Variants in NECAB1 observed in about 807,000 individuals in gnomAD.
NECAB1 encodes N-terminal EF-hand calcium binding protein 1.
In NECAB1, 29 loss-of-function variants were observed where a neutral mutation model predicts 57.5. The ratio of observed to expected loss-of-function variants is 0.50; its 90% CI spans 0.38 to 0.69. NECAB1 has a LOEUF of 0.69. NECAB1 is among the 30% of genes least tolerant of loss of function. NECAB1 has a pLI of 0.00. For missense variants in NECAB1, 372 were observed against 413.8 expected, an observed-to-expected ratio of 0.90 and a Z score of 0.88; for synonymous variants, 142 against 147.7, an observed-to-expected ratio of 0.96 and a Z score of 0.28.
intron 5 of NECAB1, among the ~76,000 whole-genome samples, chr8:90,883,975 T>C (rs1808909587): frequency 1.3e-5 from 2 of 152,182 alleles, no homozygotes; most frequent in South Asian, 2.1e-4. Flanking sequence ...TGCTATGTTA[T>C]ATAAACACAA....
chr8:90,859,566 A>C (rs572658647), intron 3 of NECAB1, among the ~76,000 whole-genome samples: 1 of 152,252 alleles, frequency 6.6e-6, no homozygotes, highest in African/African-American at 2.4e-5. Context: ...CTGTCTCACC[A>C]TCTGGATGCA....
chr8:90,941,118 C>T (rs1176074932), intron 10 of NECAB1, among the ~76,000 whole-genome samples: 1 of 152,186 alleles, frequency 6.6e-6, no homozygotes, highest in African/African-American at 2.4e-5. Context: ...CTTTAAACCC[C>T]GTGTCGTCTG....
intron 10 of NECAB1, among the ~76,000 whole-genome samples, chr8:90,947,544 G>C (rs935858732): frequency 1.3e-5 from 2 of 151,940 alleles, no homozygotes; most frequent in Non-Finnish European, 2.9e-5. Flanking sequence ...GAGATTACAG[G>C]CACATGCCAC....
In NECAB1 at chr8:90,909,012, AT is replaced by A. The variant is rs952120618; in HGVS notation, c.358-8479del. Among the ~76,000 whole-genome samples, 17 of 152,258 alleles carry A rather than the reference AT, an allele frequency of 1.1e-4. No individual in the cohort carries two copies. The Middle Eastern group carries it at 0.01, about 91-fold the overall frequency. Reference sequence around the variant, plus strand: ...CGTTACAGAGCCCAGAGAGGTGCTTATGCTCATGGTTTAGGCTTTACTGATT... The same window carrying A: ...CGTTACAGAGCCCAGAGAGGTGCTTAGCTCATGGTTTAGGCTTTACTGATT... On this transcript the variant is annotated intron_variant, in intron 5 of 12. Coordinates refer to ENST00000417640, the MANE Select transcript of NECAB1 (RefSeq NM_022351.5).
At position 90,823,271 on chromosome 8, in the gene NECAB1, C is replaced by A. The variant is rs1313449413; in HGVS notation, c.125-1446C>A. On this transcript the variant is annotated intron_variant, in intron 2 of 12. Coordinates refer to ENST00000417640, the MANE Select transcript of NECAB1 (RefSeq NM_022351.5). ...CTAAGGCTGTGTCTGCCCAGTTAAA[C>A]GTTAGCAAAAATTAACTGGAAAATT... is the stretch of plus-strand genomic sequence containing the variant. 2.0e-5 allele frequency among the ~76,000 whole-genome samples: 3 copies of A among 151,732 alleles called. No homozygotes were observed. In the East Asian group the frequency reaches 5.8e-4, roughly 29 times the overall value.
chr8:90,896,128 A>C (rs770524531), intron 5 of NECAB1, among the ~76,000 whole-genome samples: 2 of 152,186 alleles, frequency 1.3e-5, no homozygotes, highest in Non-Finnish European at 2.9e-5. Context: ...GCAGAGGTTC[A>C]TAAAAACGGC....
At chr8:90,875,448 T>C (rs1015112681) in intron 4 of NECAB1, among the ~76,000 whole-genome samples, 3 of 118,516 alleles carry the variant, frequency 2.5e-5, no homozygotes, top group Admixed American at 1.3e-4. Flanking sequence ...GCCACTGCAG[T>C]CCGCAGTCCG....
chr8:90,812,143 T>C (rs1811970444), intron 2 of NECAB1, among the ~76,000 whole-genome samples: 2 of 152,178 alleles, frequency 1.3e-5, no homozygotes, highest in South Asian at 4.1e-4. Flanking sequence ...AGAATGCAGG[T>C]ATAGAGGAGG....
At chr8:90,809,697 G>C (rs995817932) in intron 2 of NECAB1, among the ~76,000 whole-genome samples, 1 of 152,082 alleles carries the variant, frequency 6.6e-6, no homozygotes, top group African/African-American at 2.4e-5. Flanking sequence ...CATGTGAAAA[G>C]CTTGATTTTG....
rs769602424 is a variant in NECAB1, at chr8:90,957,760, A to G, written c.*2248A>G. The G allele has an allele frequency of 4.0e-5, 6 of 150,808 alleles. No homozygotes were observed. Among genetic ancestry groups the G allele is most frequent in the Admixed American group, 1.3e-4 (2 of 15,136 alleles). The allele number at this position is 150,808 out of a possible 1,614,324, so 9.3% of individuals were successfully genotyped here. On this transcript the variant is annotated 3_prime_UTR_variant, in exon 13 of 13. Coordinates refer to ENST00000417640, the MANE Select transcript of NECAB1 (RefSeq NM_022351.5). ...TAAATATCTCATCCTAAAGTAAACA[A>G]TAAGTTTATAGTTAACGAAGATTTT...
At chr8:90,936,610 T>G (rs1198121308) in intron 9 of NECAB1, among the ~76,000 whole-genome samples, 3 of 152,142 alleles carry the variant, frequency 2.0e-5, no homozygotes, top group Non-Finnish European at 2.9e-5. Flanking sequence ...GAATTGCTCT[T>G]TGCTAGCGAG....
chr8:90,908,303 G>A (rs942506031), intron 5 of NECAB1, among the ~76,000 whole-genome samples: 1 of 151,994 alleles, frequency 6.6e-6, no homozygotes, highest in Admixed American at 6.6e-5. Flanking sequence ...TGTATTTATG[G>A]GGAAGAAATT....
At position 90,940,846 on chromosome 8, in the gene NECAB1, C is replaced by A. The variant is rs780457091; in HGVS notation, c.808C>A (p.Leu270Ile). 4 of 1,564,122 alleles carry A rather than the reference C, an allele frequency of 2.6e-6. No homozygotes were observed. Among genetic ancestry groups the A allele is most frequent in the Non-Finnish European group, 8.7e-7 (1 of 1,153,918 alleles). ...AGAAGAGGACCTGGAAGAATTCCAG[C>A]TCGCTCTGAAACACTACGTGGAGAG... The part of the protein sequence containing the change: ...VIEEDLEEFQ[L>I]ALKHYVESAS... The change falls in exon 10 of 13, where the codon CTC (leucine) becomes ATC (isoleucine). Residue 270 changes from leucine (L) to isoleucine (I), a missense_variant. Physicochemically the swap from Leu to Ile is conservative, Grantham distance 5. Transcript: ENST00000417640.
chr8:90,938,476 C>T lies in NECAB1; in HGVS notation c.748-2310C>T, dbSNP rs187788686. 4.8e-3 allele frequency among the ~76,000 whole-genome samples: 725 copies of T among 152,298 alleles called. 3 individuals carry two copies. The highest frequency in any genetic ancestry group is 6.7e-3 in the Non-Finnish European group (459 of 68,026). ...TAACAAGATAGTAGGACTCCTGTTC[C>T]ACCTCTCCCAAACCCCACATCCTAC... On this transcript the variant is annotated intron_variant, in intron 9 of 12. Transcript: ENST00000417640.
At position 90,958,752 on chromosome 8, in the gene NECAB1, G is replaced by C. The variant is rs901786193; in HGVS notation, c.*3240G>C. ...GTAGTATGCAAATTATAAATATACA[G>C]TCTTCCCACTTCACTAACCAAATTC... On this transcript the variant is annotated 3_prime_UTR_variant, in exon 13 of 13. Coordinates refer to ENST00000417640, the MANE Select transcript of NECAB1 (RefSeq NM_022351.5). 5.2e-6 allele frequency: 2 copies of C among 382,140 alleles called. No homozygotes were observed. Among genetic ancestry groups the C allele is most frequent in the Admixed American group, 9.7e-5 (2 of 20,718 alleles). The allele number at this position is 382,140 out of a possible 1,614,324, so 23.7% of individuals were successfully genotyped here. A position where few individuals can be genotyped will look rare whatever the true frequency, so the allele number is the denominator to read the frequency against.
At chr8:90,877,720 A>G (rs551101311) in intron 4 of NECAB1, among the ~76,000 whole-genome samples, 1 of 152,292 alleles carries the variant, frequency 6.6e-6, no homozygotes, top group African/African-American at 2.4e-5. Flanking sequence ...GGTCAAAAAC[A>G]CTTACCTAGA....
At chr8:90,916,395 C>T (rs1048403085) in intron 5 of NECAB1, among the ~76,000 whole-genome samples, 3 of 152,098 alleles carry the variant, frequency 2.0e-5, no homozygotes, top group Admixed American at 1.3e-4. Context: ...AGTGGGAAAA[C>T]TGAGAACCAG....
intron 5 of NECAB1, among the ~76,000 whole-genome samples, chr8:90,892,448 TATTTAAA>T (rs1448230829): frequency 1.3e-5 from 2 of 152,252 alleles, no homozygotes; most frequent in African/African-American, 4.8e-5. Flanking sequence ...TAACATACAA[TATTTAAA>T]ATGATGTTTT....
chr8:90,917,870 A>ATATATATATATATATGTG lies in NECAB1; in HGVS notation c.494+243_494+244insATATATATATATATGTGT, dbSNP rs1554575432. ...TATATATATATATATATATATATAT[A>ATATATATATATATATGTG]TGTGTGTGTGTGCGTGTATATATAT... On this transcript the variant is annotated intron_variant, in intron 6 of 12. Transcript: ENST00000417640. 1.4e-3 allele frequency among the ~76,000 whole-genome samples: 90 copies of ATATATATATATATATGTG among 64,322 alleles called. 2 individuals carry two copies. The highest frequency in any genetic ancestry group is 3.7e-3 in the African/African-American group (35 of 9,584). 42.2% of individuals were successfully genotyped at this position (64,322 alleles called of 152,430 possible).
Sources: allele counts gnomAD v4.1 joint callset (sites outside exome capture counted in the v4.1 genomes callset), GRCh38; gene constraint gnomAD v4.1.1; transcripts MANE v1.5; gene names NCBI Gene and HGNC (gene_info 2026-07-23, HGNC 2026-07-21).